TAFA2: variants seen among roughly 807,000 people sequenced by gnomAD.
The protein encoded by TAFA2 is TAFA chemokine like family member 2.
A neutral mutation model predicts 18.8 loss-of-function variants in TAFA2; 7 were observed. The ratio of observed to expected loss-of-function variants is 0.37; its 90% confidence interval spans 0.21 to 0.70. The LOEUF is 0.70. Ranked by LOEUF, TAFA2 falls within the 30% of genes least tolerant of loss-of-function variation. The probability of loss-of-function intolerance (pLI) is 0.53; values close to 1 mark genes in which losing one functional copy is unlikely to be tolerated. For missense variants in TAFA2, 122 were observed against 158.1 expected (o/e 0.77, Z 1.23); for synonymous variants, 60 against 54.2 (o/e 1.11, Z -0.47).
Position 61,709,597 on chromosome 12 carries a change from A to G in TAFA2, c.*809T>C, listed in dbSNP as rs1272339215. The G allele has an allele frequency of 6.9e-6, 1 of 145,692 alleles. No homozygotes were observed. Among genetic ancestry groups the G allele is most frequent in the African/African-American group, 2.4e-5 (1 of 40,910 alleles). The allele number at this position is 145,692 out of a possible 1,614,324, so 9.0% of individuals were successfully genotyped here. On this transcript the variant is annotated 3_prime_UTR_variant, in exon 5 of 5. Coordinates refer to ENST00000416284, the MANE Select transcript of TAFA2 (RefSeq NM_178539.5). The stretch of plus-strand genomic sequence containing the variant: ...TGAAGGGAATAAGTAAACATAAAAA[A>G]TTAAAGAAAAGCTCACTTAAAAAAA...
At chr12:62,077,498 G>A (rs762621130) in intron 1 of TAFA2, among the ~76,000 whole-genome samples, 16 of 152,324 alleles carry the variant, frequency 1.1e-4, no homozygotes, top group Middle Eastern at 6.8e-3. Flanking sequence ...GTGACAGAAC[G>A]AGGATCAGCA....
intron 1 of TAFA2, among the ~76,000 whole-genome samples, chr12:62,026,007 T>A (rs1881300269): frequency 6.6e-6 from 1 of 152,106 alleles, no homozygotes; most frequent in Non-Finnish European, 1.5e-5. Context: ...CCATATATAT[T>A]TTAGTACATG....
intron 4 of TAFA2, 137 bp downstream of exon 4, chr12:61,753,485 G>GA (rs1869115390): frequency 4.0e-6 from 3 of 746,950 alleles, no homozygotes; most frequent in Admixed American, 3.1e-5. Flanking sequence ...AGCGAACTAA[G>GA]AAAAAAATGG....
chr12:62,108,849 A>ATTTG (rs895260489), intron 1 of TAFA2, among the ~76,000 whole-genome samples: 1 of 150,936 alleles, frequency 6.6e-6, no homozygotes, highest in Non-Finnish European at 1.5e-5. Context: ...TTTCTTCTAA[A>ATTTG]TTTAAGTTCC....
chr12:62,083,229 T>A (rs754623739), intron 1 of TAFA2, among the ~76,000 whole-genome samples: 1 of 151,748 alleles, frequency 6.6e-6, no homozygotes, highest in Non-Finnish European at 1.5e-5. Flanking sequence ...TCGTATGACC[T>A]GATTTGCATA....
intron 2 of TAFA2, among the ~76,000 whole-genome samples, chr12:61,763,798 G>A (rs1869665915): frequency 6.6e-6 from 1 of 151,838 alleles, no homozygotes; most frequent in Non-Finnish European, 1.5e-5. Context: ...AGCAAAGAGA[G>A]GTCAGAGAGA....
chr12:62,010,261 C>T (rs1315088820), intron 1 of TAFA2, among the ~76,000 whole-genome samples: 1 of 151,476 alleles, frequency 6.6e-6, no homozygotes, highest in Non-Finnish European at 1.5e-5. Flanking sequence ...GCCTCCCTGC[C>T]CCGGGCTCCC....
intron 2 of TAFA2, among the ~76,000 whole-genome samples, chr12:61,768,918 T>C (rs999361147): frequency 2.6e-5 from 4 of 152,014 alleles, no homozygotes; most frequent in Non-Finnish European, 5.9e-5. Flanking sequence ...CCCTGCCTGC[T>C]TTCTCAGCAG....
chr12:62,007,044 G>A (rs1475485012), intron 1 of TAFA2, among the ~76,000 whole-genome samples: 2 of 152,152 alleles, frequency 1.3e-5, no homozygotes, highest in Non-Finnish European at 2.9e-5. Flanking sequence ...TCTGGGAAGG[G>A]TGATGAAGAT....
chr12:62,022,563 T>C (rs959225796), intron 1 of TAFA2, among the ~76,000 whole-genome samples: 3 of 152,212 alleles, frequency 2.0e-5, no homozygotes. Context: ...TTCAGTGTAT[T>C]AATTCATTCA....
chr12:61,788,040 G>A (rs1264371110), intron 2 of TAFA2, among the ~76,000 whole-genome samples: 4 of 151,628 alleles, frequency 2.6e-5, no homozygotes, highest in Non-Finnish European at 5.9e-5. Flanking sequence ...TCAAAAGCAA[G>A]TAGGAGTAAC....
At chr12:61,854,536 T>C (rs1434456732) in intron 2 of TAFA2, among the ~76,000 whole-genome samples, 1 of 151,702 alleles carries the variant, frequency 6.6e-6, no homozygotes, top group Admixed American at 6.6e-5. Context: ...TTCACCAAGA[T>C]ATACATCATT....
intron 1 of TAFA2, among the ~76,000 whole-genome samples, chr12:62,108,073 G>A (rs1031564384): frequency 6.6e-6 from 1 of 152,068 alleles, no homozygotes; most frequent in African/African-American, 2.4e-5. Flanking sequence ...GTGCCATGGT[G>A]GTTTGCTGCA....
At chr12:61,892,118 G>T (rs1240204614) in intron 1 of TAFA2, among the ~76,000 whole-genome samples, 1 of 151,704 alleles carries the variant, frequency 6.6e-6, no homozygotes, top group Non-Finnish European at 1.5e-5. Flanking sequence ...GTACACATAT[G>T]TGTGATATAC....
intron 1 of TAFA2, among the ~76,000 whole-genome samples, chr12:61,905,447 A>G (rs1048636104): frequency 3.1e-4 from 47 of 152,220 alleles, no homozygotes; most frequent in African/African-American, 1.1e-3. Context: ...TTCAAATTAA[A>G]TAAAATAAAT....
intron 1 of TAFA2, among the ~76,000 whole-genome samples, chr12:61,926,641 C>T (rs534029437): frequency 6.6e-6 from 1 of 152,192 alleles, no homozygotes; most frequent in East Asian, 1.9e-4. Flanking sequence ...CGATAAAATC[C>T]AACACTCCTT....
chr12:61,778,365 T>A (rs1870360782), intron 2 of TAFA2, among the ~76,000 whole-genome samples: 3 of 151,774 alleles, frequency 2.0e-5, no homozygotes, highest in Admixed American at 2.0e-4. Context: ...ATTATATCCA[T>A]CTGGCTTCTC....
intron 2 of TAFA2, among the ~76,000 whole-genome samples, chr12:61,802,380 G>A (rs774072693): frequency 2.0e-5 from 3 of 151,988 alleles, no homozygotes; most frequent in Non-Finnish European, 4.4e-5. Context: ...ATGGGTGAAT[G>A]GATAAAGAAA....
At chr12:61,846,252 C>G (rs1300475544) in intron 2 of TAFA2, among the ~76,000 whole-genome samples, 1 of 152,096 alleles carries the variant, frequency 6.6e-6, no homozygotes, top group Non-Finnish European at 1.5e-5. Flanking sequence ...TCTATATTTA[C>G]TAATGCATCA....
Sources: allele counts gnomAD v4.1 joint callset (sites outside exome capture counted in the v4.1 genomes callset), GRCh38; gene constraint gnomAD v4.1.1; transcripts MANE v1.5; gene names NCBI Gene and HGNC (gene_info 2026-07-23, HGNC 2026-07-21).